TLE2: variants seen among roughly 807,000 people sequenced by gnomAD.
TLE2 encodes TLE family member 2, transcriptional corepressor, also known as transducin-like enhancer protein 2.
Under a neutral mutation model 97.2 loss-of-function variants are expected in TLE2, and 74 were observed. The ratio of observed to expected loss-of-function variants is 0.76; its 90% CI spans 0.63 to 0.92. TLE2 has a LOEUF of 0.92. TLE2 is among the 40% of genes least tolerant of loss of function. TLE2 has a pLI of 0.00. For synonymous variants in TLE2, 499 were observed against 432.1 expected (o/e 1.15, Z -1.92); for missense variants, 1,038 against 1,008.7 (o/e 1.03, Z -0.39).
chr19:3,025,149 A>G, intron 4 of TLE2, 67 bp from the exon 5 acceptor site: 1 of 1,453,872 alleles, frequency 6.9e-7, no homozygotes, highest in Non-Finnish European at 9.3e-7. Flanking sequence ...CTGGACTCCC[A>G]GGCGGACCAG....
At chr19:3,039,669 G>A (rs74604221) in intron 1 of TLE2, among the ~76,000 whole-genome samples, 1,821 of 152,036 alleles carry the variant, frequency 0.012, 45 homozygotes, top group African/African-American at 0.042. Context: ...ACACACCACC[G>A]GCTACACTGT....
intron 14 of TLE2, 134 bp from the exon 15 acceptor site, chr19:3,006,803 G>A: frequency 7.5e-7 from 1 of 1,329,010 alleles, no homozygotes; most frequent in South Asian, 1.6e-5. Context: ...TGTTTTTTGA[G>A]AGGGAGTCTC....
At chr19:3,008,576 G>T (rs1051092188) in intron 14 of TLE2, among the ~76,000 whole-genome samples, 1 of 151,530 alleles carries the variant, frequency 6.6e-6, no homozygotes, top group African/African-American at 2.4e-5. Context: ...TCAGCCTCCC[G>T]AGTAGCTGGG....
intron 2 of TLE2, 105 bp downstream of exon 2, chr19:3,028,601 C>A: frequency 7.4e-7 from 1 of 1,358,522 alleles, no homozygotes; most frequent in South Asian, 1.2e-5. Flanking sequence ...TTGTCGCGCC[C>A]CCCCTCCAAC....
At chr19:3,044,449 C>G (rs2090127443) in intron 1 of TLE2, among the ~76,000 whole-genome samples, 1 of 152,130 alleles carries the variant, frequency 6.6e-6, no homozygotes, top group South Asian at 2.1e-4. Context: ...AGAAGGATTC[C>G]CGCTCTGTCG....
chr19:3,029,585 G>C, upstream of TLE2: 1 of 570,486 alleles, frequency 1.8e-6, no homozygotes, highest in Non-Finnish European at 2.2e-6. Flanking sequence ...GGGGAGCGGG[G>C]ACCAGTCTGG....
intron 10 of TLE2, among the ~76,000 whole-genome samples, chr19:3,014,366 C>T (rs542521051): frequency 6.6e-6 from 1 of 152,230 alleles, no homozygotes; most frequent in South Asian, 2.1e-4. Context: ...ACTCAGTGAA[C>T]CTGGGCTTGA....
At chr19:3,001,901 A>G (rs1415691573) in intron 18 of TLE2, among the ~76,000 whole-genome samples, 1 of 148,106 alleles carries the variant, frequency 6.8e-6, no homozygotes, top group Non-Finnish European at 1.5e-5. Context: ...GGGTTCAGGC[A>G]ATTCTCCTGC....
At chr19:3,017,257 C>T (rs1285052513) in intron 8 of TLE2, among the ~76,000 whole-genome samples, 1 of 151,858 alleles carries the variant, frequency 6.6e-6, no homozygotes, top group East Asian at 1.9e-4. Flanking sequence ...CCTGCCTTGA[C>T]CTCCCGAGTA....
At chr19:2,999,795 G>A (rs1047860239) in intron 19 of TLE2, among the ~76,000 whole-genome samples, 5 of 150,534 alleles carry the variant, frequency 3.3e-5, no homozygotes, top group African/African-American at 1.2e-4. Context: ...CACTTTGGGA[G>A]GCCAAGGTAG....
intron 8 of TLE2, among the ~76,000 whole-genome samples, chr19:3,017,632 C>T (rs1343963675): frequency 1.3e-5 from 2 of 151,236 alleles, no homozygotes; most frequent in East Asian, 3.9e-4. Flanking sequence ...TTGTATTTTT[C>T]TGTAGAGACG....
chr19:3,002,493 A>G lies in TLE2; in HGVS notation c.1907T>C (p.Leu636Pro), dbSNP rs2089384862. ...QHDFSSQIFSLGHCPNQDWLA... is the reference protein window; with the variant it reads ...QHDFSSQIFSPGHCPNQDWLA... ...CCAGTCCTGGTTAGGGCAGTGGCCC[A>G]GGGAGAAAATCTGGGGGTAAAGAGG... The change falls in exon 18 of 20, where the codon CTG (leucine) becomes CCG (proline). Residue 636 changes from leucine to proline, a missense_variant. Leu to Pro is a moderately conservative substitution (Grantham distance 98). Coordinates refer to ENST00000262953, the MANE Select transcript of TLE2 (RefSeq NM_003260.5). The G allele has an allele frequency of 6.3e-7, 1 of 1,575,118 alleles. No individual in the cohort carries two copies. The highest frequency in any genetic ancestry group is 2.3e-5 in the East Asian group (1 of 42,590).
chr19:3,029,093 G>A lies in TLE2; in HGVS notation c.-189C>T. On this transcript the variant is annotated 5_prime_UTR_variant, in exon 1 of 20. Coordinates refer to ENST00000262953, the MANE Select transcript of TLE2 (RefSeq NM_003260.5). ...CAAGCGCGCGCGCCCGGGGTCGTGG[G>A]AGCCCCTCCCCGGGTTGGGGTGCGC... 3 of 1,255,206 alleles carry A rather than the reference G, an allele frequency of 2.4e-6. No individual in the cohort carries two copies. The highest frequency in any genetic ancestry group is 2.0e-6 in the Non-Finnish European group (2 of 997,670). 77.8% of individuals were successfully genotyped at this position (1,255,206 alleles called of 1,614,324 possible). A position where few individuals can be genotyped will look rare whatever the true frequency, so the allele number is the denominator to read the frequency against.
At chr19:2,999,725 TC>T (rs2089309543) in intron 19 of TLE2, among the ~76,000 whole-genome samples, 38 of 43,180 alleles carry the variant, frequency 8.8e-4, no homozygotes, top group African/African-American at 3.3e-3. Context: ...AGACTCCATC[TC>T]AAAAAAAAAA....
rs529847551 is a variant in TLE2 at position 3,017,452 on chromosome 19, C to CTTTT, written c.570+384_570+387dup. The stretch of plus-strand genomic sequence containing the variant: ...GCCTGGTTTTTTTTTTTCTTTCTTT[C>CTTTT]TTTTTTTTTTTTTTTTGAGACAGGG... On this transcript the variant is annotated intron_variant, in intron 8 of 19. Transcript: ENST00000262953. 9.2e-4 allele frequency among the ~76,000 whole-genome samples: 114 copies of CTTTT among 123,820 alleles called. 1 individual carries two copies. The highest frequency in any genetic ancestry group is 4.5e-3 in the Middle Eastern group (1 of 224). The allele number at this position is 123,820 out of a possible 152,430, so 81.2% of individuals were successfully genotyped here.
intron 4 of TLE2, among the ~76,000 whole-genome samples, chr19:3,026,679 T>G (rs1245385425): frequency 6.3e-5 from 9 of 142,264 alleles, no homozygotes; most frequent in Non-Finnish European, 1.0e-4. Context: ...TGAACCCTGA[T>G]GTCTATCTCA....
intron 5 of TLE2, among the ~76,000 whole-genome samples, chr19:3,022,419 C>T (rs1356313155): frequency 6.6e-6 from 1 of 151,324 alleles, no homozygotes; most frequent in Non-Finnish European, 1.5e-5. Context: ...ATCCCAACTA[C>T]TCGGGAGGCT....
chr19:3,009,435 T>G lies in TLE2; in HGVS notation c.1173+107A>C. 3 of 1,347,698 alleles carry G rather than the reference T, an allele frequency of 2.2e-6. No homozygotes were observed. The East Asian group carries it at 7.9e-5, about 36-fold the overall frequency. The allele number at this position is 1,347,698 out of a possible 1,614,324, so 83.5% of individuals were successfully genotyped here. A position where few individuals can be genotyped will look rare whatever the true frequency, so the allele number is the denominator to read the frequency against. ...GCATACTTGCTGAGCCAGGGCTCCCTTCCCTTTCTGCACTCCCTTGTCTCT... is the reference window on the plus strand; with the variant it reads ...GCATACTTGCTGAGCCAGGGCTCCCGTCCCTTTCTGCACTCCCTTGTCTCT... On this transcript the variant is annotated intron_variant, in intron 13 of 19. Coordinates refer to ENST00000262953, the MANE Select transcript of TLE2 (RefSeq NM_003260.5).
chr19:3,017,706 C>T (rs965273806), intron 8 of TLE2, 134 bp downstream of exon 8: 11 of 730,326 alleles, frequency 1.5e-5, no homozygotes, highest in Non-Finnish European at 1.9e-5. Context: ...CCTACCTCTG[C>T]CTACCAAAGT....
Sources: allele counts gnomAD v4.1 joint callset (sites outside exome capture counted in the v4.1 genomes callset), GRCh38; gene constraint gnomAD v4.1.1; transcripts MANE v1.5; gene names NCBI Gene and HGNC (gene_info 2026-07-23, HGNC 2026-07-21).